Variants in PGK1 observed in about 807,000 individuals in gnomAD.
PGK1 encodes the protein phosphoglycerate kinase 1.
Under a neutral mutation model 26.9 loss-of-function variants are expected in PGK1, and 3 were observed. The observed-to-expected ratio is 0.11, with a 90% CI of 0.05 to 0.29. The LOEUF is 0.29. Among genes scored for constraint, PGK1 ranks in the 10% least tolerant of loss-of-function variants. PGK1 has a pLI of 1.00. For synonymous variants in PGK1, 125 were observed against 115.3 expected (o/e 1.08, Z -0.54); for missense variants, 270 against 314.7 (o/e 0.86, Z 1.07).
Position 78,129,250 on chromosome X carries a change from T to TATCTA in PGK1, c.*3421_*3425dup, listed in dbSNP as rs1557249102. The TATCTA allele has an allele frequency of 9.0e-6, 1 of 110,938 alleles. No homozygotes were observed. 9.1% of individuals were successfully genotyped at this position (110,938 alleles called of 1,213,427 possible). A position where few individuals can be genotyped will look rare whatever the true frequency, so the allele number is the denominator to read the frequency against. On this transcript the variant is annotated 3_prime_UTR_variant, in exon 11 of 11. Transcript: ENST00000373316. ...CTATCTATCTATCTATCTATCTATC[T>TATCTA]ATCTATCTATCTGTATATAGATATA...
In PGK1 at chrX:78,104,297, C is replaced by A. The variant is rs369013360; in HGVS notation, c.-44C>A. 97 of 1,023,013 alleles carry A rather than the reference C, an allele frequency of 9.5e-5. No individual in the cohort carries two copies. In the African/African-American group the frequency reaches 1.2e-3, roughly 13 times the overall value. The allele number at this position is 1,023,013 out of a possible 1,213,427, so 84.3% of individuals were successfully genotyped here. A position where few individuals can be genotyped will look rare whatever the true frequency, so the allele number is the denominator to read the frequency against. The stretch of plus-strand genomic sequence containing the variant: ...AGCGCACGTCGGCAGTCGGCTCCCT[C>A]GTTGACCGAATCACCGACCTCTCTC... On this transcript the variant is annotated 5_prime_UTR_variant, in exon 1 of 11. Coordinates refer to ENST00000373316, the MANE Select transcript of PGK1 (RefSeq NM_000291.4).
rs1375432718 is a variant in PGK1, at chrX:78,129,230, T to TATCTATC, written c.*3401_*3407dup. ...ATACCCATGTGTGTACCTATCTATC[T>TATCTATC]ATCTATCTATCTATCTATCTATCTA... is the stretch of plus-strand genomic sequence containing the variant. On this transcript the variant is annotated 3_prime_UTR_variant, in exon 11 of 11. Transcript: ENST00000373316. 2 of 108,160 alleles carry TATCTATC rather than the reference T, an allele frequency of 1.8e-5. No individual in the cohort carries two copies. The highest frequency in any genetic ancestry group is 1.9e-5 in the Non-Finnish European group (1 of 51,977). 8.9% of individuals were successfully genotyped at this position (108,160 alleles called of 1,213,427 possible). A position where few individuals can be genotyped will look rare whatever the true frequency, so the allele number is the denominator to read the frequency against.
At chrX:78,118,439 G>A (rs1261186366) in intron 6 of PGK1, among the ~76,000 whole-genome samples, 1 of 110,251 alleles carries the variant, frequency 9.1e-6, no homozygotes, top group African/African-American at 3.3e-5. Context: ...TTAGCTGGGC[G>A]GTGGTGGTAT....
At chrX:78,123,886 C>T (rs11266711) in intron 8 of PGK1, among the ~76,000 whole-genome samples, 10,535 of 111,061 alleles carry the variant, frequency 0.095, 482 homozygotes, top group African/African-American at 0.17. Flanking sequence ...GGATTACAGG[C>T]GTGAGCCACT....
intron 8 of PGK1, among the ~76,000 whole-genome samples, chrX:78,124,469 G>A (rs2078372341): frequency 1.8e-5 from 2 of 110,296 alleles, no homozygotes; most frequent in African/African-American, 6.6e-5. Context: ...GTTTTGTGGG[G>A]GACTGTTGAA....
chrX:78,108,388 A>C (rs912096477), intron 1 of PGK1, among the ~76,000 whole-genome samples: 2 of 112,616 alleles, frequency 1.8e-5, no homozygotes, highest in East Asian at 5.5e-4. Context: ...TAAGGCTGGC[A>C]GGCTCCTTGT....
intron 1 of PGK1, chrX:78,106,699 A>C (rs1264243594): frequency 2.9e-6 from 2 of 681,790 alleles, no homozygotes; most frequent in Non-Finnish European, 3.5e-6. Context: ...GAAACCTCTG[A>C]CTTGTTAATT....
At chrX:78,116,993 G>A (rs782709256) in intron 4 of PGK1, among the ~76,000 whole-genome samples, 29 of 111,743 alleles carry the variant, frequency 2.6e-4, no homozygotes, top group Non-Finnish European at 4.5e-4. Context: ...GAGAGGGAAG[G>A]ATAATCAGAA....
intron 5 of PGK1, 39 bp downstream of exon 5, chrX:78,117,454 A>G: frequency 1.1e-6 from 1 of 892,521 alleles, no homozygotes; most frequent in Non-Finnish European, 1.7e-6. Context: ...TGAGAACAGT[A>G]TTCCTATTTA....
chrX:78,119,148 T>TCTGGCAGGGTATAACCATATAAC, intron 6 of PGK1, among the ~76,000 whole-genome samples: 1 of 111,133 alleles, frequency 9.0e-6, no homozygotes, highest in Non-Finnish European at 1.9e-5. Context: ...AACCATATAA[T>TCTGGCAGGGTATAACCATATAAC]CTGGCAGGGT....
At chrX:78,105,788 T>C (rs1321925184) in intron 1 of PGK1, among the ~76,000 whole-genome samples, 2 of 111,884 alleles carry the variant, frequency 1.8e-5, no homozygotes, top group African/African-American at 6.5e-5. Flanking sequence ...CCAAATGACA[T>C]AGGCCTTTGT....
chrX:78,105,807 C>T (rs1367013294), intron 1 of PGK1, among the ~76,000 whole-genome samples: 1 of 111,781 alleles, frequency 8.9e-6, no homozygotes, highest in Non-Finnish European at 1.9e-5. Flanking sequence ...GTAATCTGGA[C>T]AAAGTAGGAG....
chrX:78,127,558 A>G lies in PGK1; in HGVS notation c.*1728A>G, dbSNP rs781911293. Reference sequence around the variant, plus strand: ...GCTAGTAAGTAACAGCAGGGATTCAAGTCCAGGTTTGTCTGGTTCCAGTGG... The same window carrying G: ...GCTAGTAAGTAACAGCAGGGATTCAGGTCCAGGTTTGTCTGGTTCCAGTGG... On this transcript the variant is annotated 3_prime_UTR_variant, in exon 11 of 11. Coordinates refer to ENST00000373316, the MANE Select transcript of PGK1 (RefSeq NM_000291.4). The G allele has an allele frequency of 7.2e-4, 81 of 112,004 alleles. No homozygotes were observed. Among genetic ancestry groups the G allele is most frequent in the African/African-American group, 2.6e-3 (80 of 30,828 alleles). 9.2% of individuals were successfully genotyped at this position (112,004 alleles called of 1,213,427 possible).
intron 8 of PGK1, among the ~76,000 whole-genome samples, chrX:78,124,267 G>A (rs1486830923): frequency 9.0e-6 from 1 of 111,723 alleles, no homozygotes; most frequent in Non-Finnish European, 1.9e-5. Context: ...AAGACCAGCA[G>A]TATCAGTATC....
chrX:78,118,238 G>A (rs1676100945), intron 6 of PGK1, 68 bp downstream of exon 6: 2 of 1,102,325 alleles, frequency 1.8e-6, no homozygotes, highest in Non-Finnish European at 2.5e-6. Context: ...AACTTGGGTG[G>A]TTTATTGTCA....
Position 78,122,881 on chromosome X carries a change from A to G in PGK1, c.688A>G (p.Lys230Glu). 1 of 1,203,134 alleles carries G rather than the reference A, an allele frequency of 8.3e-7. No individual in the cohort carries two copies. The highest frequency in any genetic ancestry group is 1.1e-6 in the Non-Finnish European group (1 of 888,325). ...KIQLINNMLD[K>E]VNEMIIGGGM... ...CCAGCTCATCAATAATATGCTGGAC[A>G]AAGTCAATGAGATGATTATTGGTGG... Residue 230 changes from lysine (K) to glutamate (E), a missense_variant, in exon 7 of 11, where the codon AAA becomes GAA. Physicochemically the swap from Lys to Glu is moderately conservative, Grantham distance 56. Around this residue, in one of 3 missense-constraint regions of PGK1, gnomAD observed 17 missense variants for 45.5 expected, o/e 0.37. Coordinates refer to ENST00000373316, the MANE Select transcript of PGK1 (RefSeq NM_000291.4).
chrX:78,109,818 C>T (rs1179344585), intron 1 of PGK1, 49 bp from the exon 2 acceptor site: 1 of 897,879 alleles, frequency 1.1e-6, no homozygotes, highest in Non-Finnish European at 1.6e-6. Flanking sequence ...ATCTCCTAGT[C>T]TTTGATGGAA....
intron 4 of PGK1, among the ~76,000 whole-genome samples, chrX:78,116,329 A>G (rs1480131078): frequency 2.7e-5 from 3 of 112,080 alleles, no homozygotes; most frequent in African/African-American, 6.5e-5. Flanking sequence ...TCATCTTCCA[A>G]TCACTAGTGG....
At chrX:78,110,671 C>G (rs1487941145) in intron 2 of PGK1, among the ~76,000 whole-genome samples, 1 of 110,063 alleles carries the variant, frequency 9.1e-6, no homozygotes, top group Non-Finnish European at 1.9e-5. Flanking sequence ...AAATGAAGAA[C>G]TATGTAAGAG....
Sources: gnomAD v4.1 joint callset for allele counts (sites outside exome capture counted in the v4.1 genomes callset) on GRCh38, gnomAD v4.1.1 for gene constraint, gnomAD v4.1.1 regional missense constraint, MANE v1.5 for transcripts, NCBI Gene and HGNC (gene_info 2026-07-23, HGNC 2026-07-21) for gene names.